The following LAPTM5 variants were observed in gnomAD, a reference collection of about 807,000 sequenced individuals.
LAPTM5 encodes the protein lysosomal protein transmembrane 5.
In LAPTM5, 11 loss-of-function variants were observed where a neutral mutation model predicts 30.1. The observed-to-expected ratio is 0.37, with a 90% CI of 0.23 to 0.60. The LOEUF is 0.60. LAPTM5 is among the 20% of genes least tolerant of loss of function. The pLI is 0.71. For synonymous variants in LAPTM5, 151 were observed against 137.9 expected (o/e 1.10, Z -0.67); for missense variants, 324 against 332.5 (o/e 0.97, Z 0.20).
chr1:30,749,256 T>G (rs867087193), intron 1 of LAPTM5, among the ~76,000 whole-genome samples: 1 of 152,192 alleles, frequency 6.6e-6, no homozygotes, highest in African/African-American at 2.4e-5. Context: ...GAACACGCGC[T>G]GCAGAATTTC....
intron 1 of LAPTM5, among the ~76,000 whole-genome samples, chr1:30,743,797 T>G (rs892559783): frequency 1.4e-5 from 2 of 142,458 alleles, no homozygotes; most frequent in Non-Finnish European, 3.1e-5. Flanking sequence ...CTGTGTGGGT[T>G]TTTTTTTTTT....
Position 30,753,090 on chromosome 1 carries a change from T to TC in LAPTM5, c.87+4568_87+4569insG, listed in dbSNP as rs1337637437. Among the ~76,000 whole-genome samples the TC allele has an allele frequency of 2.0e-5, 3 of 151,844 alleles. No homozygotes were observed. The East Asian group carries it at 5.8e-4, about 29-fold the overall frequency. On this transcript the variant is annotated intron_variant, in intron 1 of 7. Transcript: ENST00000294507. ...AGCCACCGCACCTGGCCGTACTTTT[T>TC]TTTTTTTCCAATTTAAAAGTAGTAT...
At chr1:30,741,348 G>A (rs150907207) in intron 3 of LAPTM5, among the ~76,000 whole-genome samples, 67 of 152,270 alleles carry the variant, frequency 4.4e-4, no homozygotes, top group South Asian at 3.3e-3. Flanking sequence ...TCCACCTGCC[G>A]TTTAAAAGGA....
Position 30,740,711 on chromosome 1 carries a change from C to T in LAPTM5, c.259-774G>A, listed in dbSNP as rs144212890. ...CCACCTGCTCCATTTCTCCATTTCT[C>T]TAGCTGAACCCTTTGAGTTTCTGCA... On this transcript the variant is annotated intron_variant, in intron 3 of 7. Coordinates refer to ENST00000294507, the MANE Select transcript of LAPTM5 (RefSeq NM_006762.3). Among the ~76,000 whole-genome samples, 206 of 152,316 alleles carry T rather than the reference C, an allele frequency of 1.4e-3. 1 individual carries two copies. The highest frequency in any genetic ancestry group is 4.7e-3 in the African/African-American group (197 of 41,566).
intron 1 of LAPTM5, among the ~76,000 whole-genome samples, chr1:30,751,565 C>T (rs1179431530): frequency 6.6e-6 from 1 of 152,200 alleles, no homozygotes; most frequent in East Asian, 1.9e-4. Context: ...ATGGTGAAAC[C>T]CCATCTCTCC....
chr1:30,747,552 G>T (rs532607783), intron 1 of LAPTM5, among the ~76,000 whole-genome samples: 47 of 152,220 alleles, frequency 3.1e-4, no homozygotes, highest in African/African-American at 1.0e-3. Context: ...CCGTCTGCAC[G>T]CAGCCTTTCT....
At chr1:30,748,567 C>T (rs925615578) in intron 1 of LAPTM5, among the ~76,000 whole-genome samples, 3 of 152,228 alleles carry the variant, frequency 2.0e-5, no homozygotes, top group African/African-American at 7.2e-5. Context: ...CCTTCCCCAC[C>T]CTGTGCTTCT....
chr1:30,754,526 A>G (rs918970894), intron 1 of LAPTM5, among the ~76,000 whole-genome samples: 32 of 152,270 alleles, frequency 2.1e-4, no homozygotes, highest in African/African-American at 7.7e-4. Flanking sequence ...ACAGAGCAAG[A>G]CCCCATCTCT....
intron 1 of LAPTM5, among the ~76,000 whole-genome samples, chr1:30,755,869 C>T (rs1209037165): frequency 6.6e-6 from 1 of 152,210 alleles, no homozygotes; most frequent in African/African-American, 2.4e-5. Context: ...GCCCACAATC[C>T]TTCGTGGCAA....
chr1:30,750,021 G>A (rs1640109838), intron 1 of LAPTM5, among the ~76,000 whole-genome samples: 1 of 152,182 alleles, frequency 6.6e-6, no homozygotes, highest in Non-Finnish European at 1.5e-5. Flanking sequence ...CGGCTCAGAT[G>A]GCGCTGGAGG....
At chr1:30,752,764 C>T (rs759977615) in intron 1 of LAPTM5, among the ~76,000 whole-genome samples, 2 of 152,028 alleles carry the variant, frequency 1.3e-5, no homozygotes, top group African/African-American at 4.8e-5. Context: ...CTTACCTGCA[C>T]GAGGTCAGGG....
At position 30,733,792 on chromosome 1, in the gene LAPTM5, AC is replaced by A. The variant is rs762572720; in HGVS notation, c.*35del. 102 of 1,592,950 alleles carry A rather than the reference AC, an allele frequency of 6.4e-5. No homozygotes were observed. The African/African-American group carries it at 1.2e-3, about 19-fold the overall frequency. On this transcript the variant is annotated 3_prime_UTR_variant, in exon 8 of 8. Coordinates refer to ENST00000294507, the MANE Select transcript of LAPTM5 (RefSeq NM_006762.3). ...AAAAAGCAGATTATGAGGCAGCTCC[AC>A]CCCTCCCAGCACTGGGGCTGGGGCC... is the stretch of plus-strand genomic sequence containing the variant.
chr1:30,733,619 G>A lies in LAPTM5; in HGVS notation c.*209C>T, dbSNP rs762280276. 5.9e-6 allele frequency: 9 copies of A among 1,531,100 alleles called. No individual in the cohort carries two copies. The highest frequency in any genetic ancestry group is 3.9e-5 in the Admixed American group (2 of 50,842). The allele number at this position is 1,531,100 out of a possible 1,614,324, so 94.8% of individuals were successfully genotyped here. A position where few individuals can be genotyped will look rare whatever the true frequency, so the allele number is the denominator to read the frequency against. On this transcript the variant is annotated 3_prime_UTR_variant, in exon 8 of 8. Transcript: ENST00000294507. ...GTTGGGCTGAATTATGGAGAGACCC[G>A]AGGAGTGACTCAGCCTAAAGCGTTG... is the stretch of plus-strand genomic sequence containing the variant.
At chr1:30,747,825 A>T (rs2124192317) in intron 1 of LAPTM5, among the ~76,000 whole-genome samples, 1 of 152,260 alleles carries the variant, frequency 6.6e-6, no homozygotes, top group South Asian at 2.1e-4. Context: ...GGCACTGGCC[A>T]TGGTGACCAT....
chr1:30,739,158 C>T lies in LAPTM5; in HGVS notation c.388-96G>A. On this transcript the variant is annotated intron_variant, in intron 4 of 7. Coordinates refer to ENST00000294507, the MANE Select transcript of LAPTM5 (RefSeq NM_006762.3). The surrounding 1 kb of genome is among the most constrained non-coding windows in gnomAD (Gnocchi z 4.2). The stretch of plus-strand genomic sequence containing the variant: ...AGTAGGCCCTCACTTGAGAGACCGT[C>T]TCAGCTACAGACATCAGTGACTCTC... 6.9e-7 allele frequency: 1 copy of T among 1,449,294 alleles called. No homozygotes were observed. Among genetic ancestry groups the T allele is most frequent in the African/African-American group, 1.4e-5 (1 of 71,134 alleles). 89.8% of individuals were successfully genotyped at this position (1,449,294 alleles called of 1,614,324 possible).
rs776147713 is a variant in LAPTM5, at chr1:30,739,901, G to T, written c.295C>A (p.Gln99Lys). Residue 99 changes from glutamine to lysine, a missense_variant, in exon 4 of 8, where the codon CAA becomes AAA. Gln to Lys is a moderately conservative substitution (Grantham distance 53). Coordinates refer to ENST00000294507, the MANE Select transcript of LAPTM5 (RefSeq NM_006762.3). This position sits in a 1 kb window ranked among gnomAD's most constrained non-coding sequence, Gnocchi z 4.2. Reference sequence around the variant, plus strand: ...AGGCACAGGAGATAGTCCATGATTTGCAGGGACAGGAAGGGCAGCAGGTAC... The same window carrying T: ...AGGCACAGGAGATAGTCCATGATTTTCAGGGACAGGAAGGGCAGCAGGTAC... ...EKYLLPFLSL[Q>K]IMDYLLCLLT... The T allele has an allele frequency of 1.9e-6, 3 of 1,606,086 alleles. No individual in the cohort carries two copies. The highest frequency in any genetic ancestry group is 1.7e-5 in the Admixed American group (1 of 59,162).
intron 6 of LAPTM5, among the ~76,000 whole-genome samples, chr1:30,736,877 C>T (rs1047817702): frequency 5.3e-5 from 8 of 152,280 alleles, no homozygotes; most frequent in Non-Finnish European, 1.2e-4. Context: ...CTCTAGGATC[C>T]CACAAAATTC....
intron 2 of LAPTM5, 59 bp downstream of exon 2, chr1:30,742,397 G>GGCCAGGGATA: frequency 8.0e-7 from 1 of 1,252,834 alleles, no homozygotes; most frequent in Non-Finnish European, 1.1e-6. Context: ...GGCTATCCCT[G>GGCCAGGGATA]GCCAGGGCCC....
chr1:30,743,722 G>A (rs1258925924), intron 1 of LAPTM5, among the ~76,000 whole-genome samples: 1 of 150,762 alleles, frequency 6.6e-6, no homozygotes, highest in Non-Finnish European at 1.5e-5. Flanking sequence ...AGGCAGCCCT[G>A]CACTGGTAAC....
Sources: gnomAD v4.1 joint callset for allele counts (sites outside exome capture counted in the v4.1 genomes callset) on GRCh38, gnomAD v4.1.1 for gene constraint, Gnocchi (gnomAD v3.1) non-coding constraint, MANE v1.5 for transcripts, NCBI Gene and HGNC (gene_info 2026-07-23, HGNC 2026-07-21) for gene names.